The following CEP89 variants were observed in gnomAD, a reference collection of about 807,000 sequenced individuals.
CEP89 encodes the protein centrosomal protein of 89 kDa.
A neutral mutation model predicts 97.6 loss-of-function variants in CEP89; 95 were observed. That is an observed-to-expected ratio of 0.97 (90% CI 0.82 to 1.15). CEP89 has a LOEUF of 1.15. Among genes scored for constraint, CEP89 ranks in the 50% most tolerant of loss-of-function variants. CEP89 has a pLI of 0.00. For missense variants in CEP89, 869 were observed against 947.7 expected, an observed-to-expected ratio of 0.92 and a Z score of 1.09; for synonymous variants, 354 against 349.1, an observed-to-expected ratio of 1.01 and a Z score of -0.16.
At position 32,899,856 on chromosome 19, in the gene CEP89, C is replaced by T. The variant is rs1455412936; in HGVS notation, c.1875+1G>A. The T allele has an allele frequency of 6.2e-7, 1 of 1,611,166 alleles. No homozygotes were observed. The highest frequency in any genetic ancestry group is 1.3e-5 in the African/African-American group (1 of 74,806). On this transcript the variant is annotated splice_donor_variant, in intron 16 of 18. Transcript: ENST00000305768. LOFTEE classifies it high-confidence loss of function. Reference sequence around the variant, plus strand: ...CTTGATGTAACCTTCAGGAAACTTACCAAACACATAAGACTGTCACGTTCC... The same window carrying T: ...CTTGATGTAACCTTCAGGAAACTTATCAAACACATAAGACTGTCACGTTCC...
chr19:32,881,937 C>T lies in CEP89; in HGVS notation c.2042G>A (p.Gly681Asp), dbSNP rs752194430. ...RLLEQQEDFA[G>D]KTAQYRQEMR... ...CTCCTGCCGGTACTGGGCTGTCTTGCCGGCGAAGTCCTCCTGCTGCTCCAG... is the reference window on the plus strand; with the variant it reads ...CTCCTGCCGGTACTGGGCTGTCTTGTCGGCGAAGTCCTCCTGCTGCTCCAG... Residue 681 changes from glycine to aspartate, a missense_variant, in exon 18 of 19, where the codon GGC becomes GAC. Gly to Asp is a moderately conservative substitution (Grantham distance 94). Transcript: ENST00000305768. 1.9e-6 allele frequency: 3 copies of T among 1,599,072 alleles called. No homozygotes were observed. Among genetic ancestry groups the T allele is most frequent in the African/African-American group, 1.3e-5 (1 of 74,766 alleles).
Position 32,954,364 on chromosome 19 carries a change from G to T in CEP89, c.306-563C>A, listed in dbSNP as rs1441549342. ...GTCTTGTTATGAATAAGGGTTTTTT[G>T]TTTTTTTGTTTTTTTTTTGAGACAG... On this transcript the variant is annotated intron_variant, in intron 3 of 18. Transcript: ENST00000305768. Among the ~76,000 whole-genome samples the T allele has an allele frequency of 1.1e-4, 14 of 126,266 alleles. No individual in the cohort carries two copies. The East Asian group carries it at 3.2e-3, about 29-fold the overall frequency. 82.8% of individuals were successfully genotyped at this position (126,266 alleles called of 152,430 possible).
chr19:32,920,077 G>C (rs1013836235), intron 12 of CEP89, among the ~76,000 whole-genome samples: 4 of 152,134 alleles, frequency 2.6e-5, no homozygotes, highest in African/African-American at 9.7e-5. Flanking sequence ...CTGTCACCCA[G>C]GCAGGACAGG....
chr19:32,907,838 C>T (rs1370763252), intron 14 of CEP89, among the ~76,000 whole-genome samples: 1 of 152,112 alleles, frequency 6.6e-6, no homozygotes, highest in Non-Finnish European at 1.5e-5. Flanking sequence ...CCACCTGCCT[C>T]GGCCTCCCAA....
Position 32,878,962 on chromosome 19 carries a change from TAAAA to T in CEP89, c.*196_*199del. 2.6e-6 allele frequency: 1 copy of T among 384,278 alleles called. No individual in the cohort carries two copies. The highest frequency in any genetic ancestry group is 7.1e-5 in the South Asian group (1 of 14,068). The allele number at this position is 384,278 out of a possible 1,614,324, so 23.8% of individuals were successfully genotyped here. On this transcript the variant is annotated 3_prime_UTR_variant, in exon 19 of 19. Transcript: ENST00000305768. ...GGGCAACAGAGTGAGACCCTAGCTC[TAAAA>T]AAAAAAAAAAATTAAAAAATAAAGC...
intron 1 of CEP89, chr19:32,969,090 C>T (rs1133771): frequency 0.27 from 41,144 of 151,892 alleles, 5,856 homozygotes; most frequent in Admixed American, 0.35. Context: ...CTCTGAAGCT[C>T]GCAGCAGAGT....
At chr19:32,915,875 C>T (rs1013840703) in intron 13 of CEP89, among the ~76,000 whole-genome samples, 7 of 149,088 alleles carry the variant, frequency 4.7e-5, no homozygotes, top group African/African-American at 7.5e-5. Context: ...GCTGAGATCA[C>T]GCCACTGCAC....
chr19:32,966,808 C>A (rs963234719), intron 1 of CEP89, among the ~76,000 whole-genome samples: 2 of 152,134 alleles, frequency 1.3e-5, no homozygotes, highest in Non-Finnish European at 2.9e-5. Flanking sequence ...CAGAGCAGGG[C>A]GACTTCCTGA....
intron 14 of CEP89, among the ~76,000 whole-genome samples, chr19:32,901,845 G>C (rs12972006): frequency 1.3e-5 from 2 of 151,930 alleles, no homozygotes; most frequent in African/African-American, 2.4e-5. Context: ...GGCTGGTTTC[G>C]AGCTCTTGGG....
intron 14 of CEP89, among the ~76,000 whole-genome samples, chr19:32,910,095 T>G (rs2145899787): frequency 6.6e-6 from 1 of 152,296 alleles, no homozygotes; most frequent in East Asian, 1.9e-4. Flanking sequence ...ACCCCGTCTC[T>G]ACTAAAAATA....
intron 14 of CEP89, among the ~76,000 whole-genome samples, chr19:32,911,497 A>G (rs1334077674): frequency 6.6e-6 from 1 of 152,196 alleles, no homozygotes; most frequent in East Asian, 1.9e-4. Context: ...TAATAAAAAT[A>G]CAAAAAATAG....
At chr19:32,931,995 C>A (rs1317911236) in intron 8 of CEP89, among the ~76,000 whole-genome samples, 1 of 152,076 alleles carries the variant, frequency 6.6e-6, no homozygotes, top group Admixed American at 6.6e-5. Context: ...TCCTGGCTAA[C>A]ACGGTGAAAC....
In CEP89 at chr19:32,912,190, A is replaced by C. The variant is rs550902033; in HGVS notation, c.1565+3147T>G. 6.6e-5 allele frequency among the ~76,000 whole-genome samples: 10 copies of C among 150,910 alleles called. 3 individuals are homozygous for C. Among genetic ancestry groups the C allele is most frequent in the African/African-American group, 2.4e-4 (10 of 41,136 alleles). The stretch of plus-strand genomic sequence containing the variant: ...TGCACTCCAGCCTGGGTGACAGAGT[A>C]AGACTCTGTCTCAAAAAAAAAAAAA... On this transcript the variant is annotated intron_variant, in intron 14 of 18. Coordinates refer to ENST00000305768, the MANE Select transcript of CEP89 (RefSeq NM_032816.5).
In CEP89 at chr19:32,900,322, TG is replaced by T. The variant is rs1944663329; in HGVS notation, c.1734-325del. Reference sequence around the variant, plus strand: ...GTGCGGTGGCATGATCATGGCTCACTGTAACCTCCGCCTCTCAGGTTCAAGT... The same window carrying T: ...GTGCGGTGGCATGATCATGGCTCACTTAACCTCCGCCTCTCAGGTTCAAGT... On this transcript the variant is annotated intron_variant, in intron 15 of 18. Transcript: ENST00000305768. Among the ~76,000 whole-genome samples the T allele has an allele frequency of 2.0e-5, 3 of 150,654 alleles. No homozygotes were observed. The South Asian group carries it at 6.3e-4, about 32-fold the overall frequency.
chr19:32,887,883 A>T, intron 16 of CEP89, 42 bp from the exon 17 acceptor site: 10 of 1,120,442 alleles, frequency 8.9e-6, no homozygotes, highest in Non-Finnish European at 1.3e-5. Flanking sequence ...TTTTACAGAA[A>T]AATTGAAATA....
At chr19:32,909,961 A>G (rs73051127) in intron 14 of CEP89, among the ~76,000 whole-genome samples, 6,914 of 152,248 alleles carry the variant, frequency 0.045, 202 homozygotes, top group South Asian at 0.13. Context: ...ATACCAGTCA[A>G]CCTAGATTGA....
chr19:32,917,756 G>A, intron 13 of CEP89: 1 of 979,382 alleles, frequency 1.0e-6, no homozygotes, highest in South Asian at 4.7e-5. Context: ...GACACTCTCG[G>A]AAGGTGTTTG....
intron 4 of CEP89, 51 bp from the exon 5 acceptor site, chr19:32,948,419 A>C (rs1337873543): frequency 2.7e-6 from 3 of 1,096,268 alleles, no homozygotes; most frequent in Non-Finnish European, 4.1e-6. Flanking sequence ...GGTAACCTTT[A>C]TATACAGCAT....
At chr19:32,921,260 C>T (rs890681200) in intron 12 of CEP89, among the ~76,000 whole-genome samples, 8 of 151,168 alleles carry the variant, frequency 5.3e-5, no homozygotes, top group African/African-American at 1.7e-4. Context: ...AAAGTGTCTG[C>T]TGAAGTGTGA....
Sources: allele counts gnomAD v4.1 joint callset (sites outside exome capture counted in the v4.1 genomes callset), GRCh38; gene constraint gnomAD v4.1.1; transcripts MANE v1.5; gene names NCBI Gene and HGNC (gene_info 2026-07-23, HGNC 2026-07-21).